The following CDH18 variants were observed in gnomAD, a reference collection of about 807,000 sequenced individuals.
CDH18 encodes cadherin-18.
In CDH18, 31 loss-of-function variants were observed where a neutral mutation model predicts 67.9. The ratio of observed to expected loss-of-function variants is 0.46; its 90% confidence interval spans 0.34 to 0.62. The LOEUF (loss-of-function observed/expected upper bound fraction) is 0.62, where lower values mean the gene tolerates loss of function less well. Ranked by LOEUF, CDH18 falls within the 20% of genes least tolerant of loss-of-function variation. CDH18 has a pLI of 0.01. For missense variants in CDH18, 890 were observed against 975.5 expected, an observed-to-expected ratio of 0.91 and a Z score of 1.17; for synonymous variants, 362 against 347.2, an observed-to-expected ratio of 1.04 and a Z score of -0.48.
At chr5:20,327,120 G>C (rs1738673186) in intron 1 of CDH18, among the ~76,000 whole-genome samples, 1 of 151,938 alleles carries the variant, frequency 6.6e-6, no homozygotes, top group Non-Finnish European at 1.5e-5. Context: ...TTATATTTTT[G>C]GTAAAGATAG....
chr5:19,510,321 A>T (rs535848769), intron 10 of CDH18, among the ~76,000 whole-genome samples: 3 of 152,284 alleles, frequency 2.0e-5, no homozygotes, highest in Admixed American at 2.0e-4. Context: ...TCTCACAAGC[A>T]GAGCACATAC....
At chr5:19,857,458 A>G (rs1384756330) in intron 2 of CDH18, among the ~76,000 whole-genome samples, 1 of 152,170 alleles carries the variant, frequency 6.6e-6, no homozygotes, top group Non-Finnish European at 1.5e-5. Context: ...TGTTATAATC[A>G]TTTAAAAAAT....
chr5:20,198,980 T>A (rs1311622595), intron 2 of CDH18, among the ~76,000 whole-genome samples: 1 of 152,184 alleles, frequency 6.6e-6, no homozygotes, highest in Non-Finnish European at 1.5e-5. Flanking sequence ...CCACCTGGAT[T>A]TCAGAGGATG....
chr5:19,747,895 T>C (rs1025240031), intron 3 of CDH18, among the ~76,000 whole-genome samples: 13 of 150,414 alleles, frequency 8.6e-5, no homozygotes, highest in Admixed American at 3.3e-4. Context: ...GATCACGAGG[T>C]CAGCAGATCG....
In CDH18 at chr5:19,828,235, C is replaced by CT. The variant is rs1780622953; in HGVS notation, c.228+10523dup. 1.3e-5 allele frequency among the ~76,000 whole-genome samples: 2 copies of CT among 152,044 alleles called. 1 individual carries two copies. Among genetic ancestry groups the CT allele is most frequent in the South Asian group, 4.1e-4 (2 of 4,824 alleles). On this transcript the variant is annotated intron_variant, in intron 3 of 12. Transcript: ENST00000382275. ...CTGAAATTGAATCAGTAATAAGAGT[C>CT]TTACCAACCAGAAAAACTCCATGAC...
At chr5:19,544,221 A>G (rs557696035) in intron 8 of CDH18, among the ~76,000 whole-genome samples, 1 of 152,252 alleles carries the variant, frequency 6.6e-6, no homozygotes, top group East Asian at 1.9e-4. Flanking sequence ...TCAAAGAATA[A>G]TTTTATAAGG....
intron 2 of CDH18, among the ~76,000 whole-genome samples, chr5:20,139,071 C>A (rs562548697): frequency 6.6e-6 from 1 of 152,140 alleles, no homozygotes. Context: ...AACTATACTA[C>A]AAGGCTACAG....
chr5:20,051,986 T>C (rs566614164), intron 2 of CDH18, among the ~76,000 whole-genome samples: 3 of 152,056 alleles, frequency 2.0e-5, no homozygotes, highest in Admixed American at 6.6e-5. Flanking sequence ...CTCTCACTTA[T>C]GGATTTTCCA....
At chr5:20,522,115 C>T (rs1039486027) in intron 1 of CDH18, among the ~76,000 whole-genome samples, 5 of 152,114 alleles carry the variant, frequency 3.3e-5, no homozygotes, top group African/African-American at 1.2e-4. Context: ...ACGTCAGAAA[C>T]AAATACCCAC....
At chr5:19,932,922 C>T (rs1201991806) in intron 2 of CDH18, among the ~76,000 whole-genome samples, 1 of 151,576 alleles carries the variant, frequency 6.6e-6, no homozygotes, top group East Asian at 1.9e-4. Context: ...AAAGAATCCA[C>T]ATAGTAATTT....
chr5:20,543,290 C>T (rs1455873237), intron 1 of CDH18, among the ~76,000 whole-genome samples: 1 of 151,786 alleles, frequency 6.6e-6, no homozygotes, highest in Non-Finnish European at 1.5e-5. Flanking sequence ...GTTAGAAGTT[C>T]AAATTTTATA....
intron 11 of CDH18, among the ~76,000 whole-genome samples, chr5:19,486,037 A>C (rs572667836): frequency 6.6e-6 from 1 of 152,204 alleles, no homozygotes; most frequent in African/African-American, 2.4e-5. Flanking sequence ...AATCTCTAAG[A>C]CATAAGGACA....
At chr5:20,482,326 C>G (rs1453354992) in intron 1 of CDH18, among the ~76,000 whole-genome samples, 1 of 151,932 alleles carries the variant, frequency 6.6e-6, no homozygotes. Context: ...GCCTGGGAAC[C>G]AATGGCTTCA....
At chr5:19,624,073 T>C (rs992901980) in intron 5 of CDH18, among the ~76,000 whole-genome samples, 2 of 151,132 alleles carry the variant, frequency 1.3e-5, no homozygotes, top group African/African-American at 4.8e-5. Flanking sequence ...AGTGGCGCCA[T>C]CTTGGCTCAC....
At chr5:19,581,374 C>T (rs979814293) in intron 7 of CDH18, among the ~76,000 whole-genome samples, 2 of 151,954 alleles carry the variant, frequency 1.3e-5, no homozygotes, top group Admixed American at 6.6e-5. Context: ...TCCCATCAAT[C>T]GTTTCCCAGC....
chr5:20,215,037 G>A (rs1042061448), intron 2 of CDH18, among the ~76,000 whole-genome samples: 15 of 151,508 alleles, frequency 9.9e-5, no homozygotes, highest in East Asian at 1.9e-4. Flanking sequence ...GGACATGAAC[G>A]GACACTTTTC....
chr5:20,328,388 T>C (rs1449437372), intron 1 of CDH18, among the ~76,000 whole-genome samples: 2 of 151,966 alleles, frequency 1.3e-5, no homozygotes, highest in Non-Finnish European at 2.9e-5. Context: ...GATCTAATCA[T>C]GTTGAGAGTA....
At chr5:19,758,248 C>A (rs1284011852) in intron 3 of CDH18, among the ~76,000 whole-genome samples, 1 of 152,202 alleles carries the variant, frequency 6.6e-6, no homozygotes, top group Admixed American at 6.5e-5. Context: ...ATAGGCAGTA[C>A]AGGTCGCATG....
intron 5 of CDH18, among the ~76,000 whole-genome samples, chr5:19,712,756 T>C (rs961951920): frequency 6.6e-6 from 1 of 151,056 alleles, no homozygotes; most frequent in Non-Finnish European, 1.5e-5. Context: ...TATGTGTATA[T>C]ATAGTGGTAA....
Sources: allele counts gnomAD v4.1 joint callset (sites outside exome capture counted in the v4.1 genomes callset), GRCh38; gene constraint gnomAD v4.1.1; transcripts MANE v1.5; gene names NCBI Gene and HGNC (gene_info 2026-07-23, HGNC 2026-07-21).